The following SLCO2A1 variants were observed in gnomAD, a reference collection of about 807,000 sequenced individuals.
The protein encoded by SLCO2A1 is matrin F/G 1.
In SLCO2A1, 60 loss-of-function variants were observed where a neutral mutation model predicts 71.7. The ratio of observed to expected loss-of-function variants is 0.84; its 90% CI spans 0.68 to 1.04. The LOEUF (loss-of-function observed/expected upper bound fraction) is 1.04. Among genes scored for constraint, SLCO2A1 ranks in the 50% least tolerant of loss-of-function variants. The probability of loss-of-function intolerance (pLI) is 0.00; values close to 1 mark genes in which losing one functional copy is unlikely to be tolerated. For missense variants in SLCO2A1, 745 were observed against 813.4 expected (o/e 0.92, Z 1.02); for synonymous variants, 308 against 326.7 (o/e 0.94, Z 0.62).
chr3:134,004,941 T>C (rs1935176929), intron 1 of SLCO2A1, among the ~76,000 whole-genome samples: 2 of 152,376 alleles, frequency 1.3e-5, no homozygotes, highest in Admixed American at 6.5e-5. Flanking sequence ...AATAGGAGAC[T>C]AACAGAAAAT....
chr3:133,993,075 A>G (rs1376686992), intron 1 of SLCO2A1, among the ~76,000 whole-genome samples: 8 of 152,198 alleles, frequency 5.3e-5, no homozygotes, highest in Non-Finnish European at 1.2e-4. Flanking sequence ...CCACCTCCAG[A>G]TGCTGCCGTG....
intron 1 of SLCO2A1, among the ~76,000 whole-genome samples, chr3:133,991,855 T>G (rs867590822): frequency 2.0e-5 from 3 of 152,212 alleles, no homozygotes; most frequent in South Asian, 2.1e-4. Context: ...TTGACCTTAC[T>G]GTTTGGCAGA....
chr3:133,972,027 A>C (rs1465792024), intron 3 of SLCO2A1, among the ~76,000 whole-genome samples: 1 of 152,230 alleles, frequency 6.6e-6, no homozygotes, highest in African/African-American at 2.4e-5. Flanking sequence ...GCAAGCAGAC[A>C]TAAAACAATG....
At chr3:133,969,634 C>A (rs1468484457) in intron 3 of SLCO2A1, among the ~76,000 whole-genome samples, 1 of 152,058 alleles carries the variant, frequency 6.6e-6, no homozygotes, top group African/African-American at 2.4e-5. Context: ...AATCTTCCTG[C>A]CTCAGCCTCC....
rs568030698 is a variant in SLCO2A1, at chr3:133,943,177, G to A, written c.1462-409C>T. Among the ~76,000 whole-genome samples the A allele has an allele frequency of 7.9e-5, 12 of 152,354 alleles. 1 individual carries two copies. The South Asian group carries it at 2.3e-3, about 29-fold the overall frequency. ...ATTGCAGAGGGAGGCATAAACAGTA[G>A]GAGGGCAGTGGGAACACAGTGGAAT... On this transcript the variant is annotated intron_variant, in intron 10 of 13. Transcript: ENST00000310926.
chr3:134,012,711 C>T (rs1935367403), intron 1 of SLCO2A1, among the ~76,000 whole-genome samples: 1 of 152,160 alleles, frequency 6.6e-6, no homozygotes, highest in African/African-American at 2.4e-5. Flanking sequence ...AAATGAGCTC[C>T]ACCGCTGTGC....
chr3:134,011,702 G>T (rs1405836749), intron 1 of SLCO2A1, among the ~76,000 whole-genome samples: 2 of 152,224 alleles, frequency 1.3e-5, no homozygotes, highest in Non-Finnish European at 2.9e-5. Context: ...TGTGTGAGGG[G>T]TCTCTGTTAG....
intron 3 of SLCO2A1, among the ~76,000 whole-genome samples, chr3:133,964,180 T>C (rs1422880776): frequency 6.6e-6 from 1 of 152,162 alleles, no homozygotes; most frequent in Middle Eastern, 3.2e-3. Flanking sequence ...TGGGGCACAT[T>C]GTGGGGCAAT....
intron 2 of SLCO2A1, among the ~76,000 whole-genome samples, chr3:133,977,124 G>A (rs559031233): frequency 6.6e-6 from 1 of 152,214 alleles, no homozygotes; most frequent in South Asian, 2.1e-4. Context: ...TACACAGACA[G>A]ACACATACAG....
rs201775405 is a variant in SLCO2A1 at position 133,934,709 on chromosome 3, G to T, written c.*4C>A. The T allele has an allele frequency of 5.0e-6, 8 of 1,606,440 alleles. No individual in the cohort carries two copies. Among genetic ancestry groups the T allele is most frequent in the Non-Finnish European group, 6.8e-6 (8 of 1,173,428 alleles). The stretch of plus-strand genomic sequence containing the variant: ...CTGGAGCAGGGCAGTGGCCCAGGGT[G>T]GGGTCAGATGAGGCCTGCCGCCTTC... On this transcript the variant is annotated 3_prime_UTR_variant, in exon 14 of 14. Coordinates refer to ENST00000310926, the MANE Select transcript of SLCO2A1 (RefSeq NM_005630.3).
At chr3:134,014,727 C>T (rs1935410901) in intron 1 of SLCO2A1, among the ~76,000 whole-genome samples, 1 of 152,108 alleles carries the variant, frequency 6.6e-6, no homozygotes, top group African/African-American at 2.4e-5. Flanking sequence ...GAATCCAGAG[C>T]TGAGAGATGT....
chr3:133,965,919 G>C (rs894967180), intron 3 of SLCO2A1, among the ~76,000 whole-genome samples: 1 of 152,192 alleles, frequency 6.6e-6, no homozygotes, highest in Admixed American at 6.5e-5. Context: ...CTGATGGAGT[G>C]GAGTATAGGA....
chr3:133,953,601 G>A (rs924903281), intron 5 of SLCO2A1, 62 bp downstream of exon 5: 1 of 1,308,012 alleles, frequency 7.6e-7, no homozygotes. Flanking sequence ...GATTGGATGA[G>A]GGGGCTGGGG....
intron 7 of SLCO2A1, 37 bp downstream of exon 7, chr3:133,948,856 A>C (rs1178792620): frequency 5.0e-6 from 8 of 1,607,586 alleles, no homozygotes; most frequent in Non-Finnish European, 6.8e-6. Context: ...CCTCCCCCGC[A>C]CTGTGCCAGC....
intron 4 of SLCO2A1, among the ~76,000 whole-genome samples, chr3:133,954,359 T>C (rs906035152): frequency 1.9e-4 from 29 of 152,080 alleles, no homozygotes; most frequent in African/African-American, 7.0e-4. Context: ...ACGGGGTTTC[T>C]CCATGTTGAT....
In SLCO2A1 at chr3:133,973,842, A is replaced by G. The variant is rs1467642978; in HGVS notation, c.235-17T>C. The G allele has an allele frequency of 6.2e-7, 1 of 1,608,490 alleles. No individual in the cohort carries two copies. The highest frequency in any genetic ancestry group is 1.7e-5 in the Admixed American group (1 of 59,430). On this transcript the variant is annotated splice_polypyrimidine_tract_variant and intron_variant, in intron 2 of 13. Transcript: ENST00000310926. ...ATTGCTGATCTGAGAAGAGAGCAGA[A>G]GGGCTGAGTGAGACAAGAGGCCCTG... is the stretch of plus-strand genomic sequence containing the variant.
chr3:134,026,605 C>A (rs564905296), intron 1 of SLCO2A1, among the ~76,000 whole-genome samples: 1 of 152,022 alleles, frequency 6.6e-6, no homozygotes, highest in African/African-American at 2.4e-5. Context: ...GATACCAGAC[C>A]CCCATTTACG....
chr3:133,989,395 G>A (rs915995739), intron 1 of SLCO2A1, among the ~76,000 whole-genome samples: 1 of 152,118 alleles, frequency 6.6e-6, no homozygotes, highest in African/African-American at 2.4e-5. Context: ...TCATAGTCAA[G>A]ACCCTCCAGT....
intron 1 of SLCO2A1, among the ~76,000 whole-genome samples, chr3:134,017,724 A>G (rs918887293): frequency 6.6e-6 from 1 of 152,218 alleles, no homozygotes; most frequent in Non-Finnish European, 1.5e-5. Flanking sequence ...GGGCTGGTTA[A>G]AGACATGGAG....
Sources: allele counts gnomAD v4.1 joint callset (sites outside exome capture counted in the v4.1 genomes callset), GRCh38; gene constraint gnomAD v4.1.1; transcripts MANE v1.5; gene names NCBI Gene and HGNC (gene_info 2026-07-23, HGNC 2026-07-21).